PCLO: variants seen among roughly 807,000 people sequenced by gnomAD.
PCLO encodes protein piccolo.
Under a neutral mutation model 427.5 loss-of-function variants are expected in PCLO, and 82 were observed. The observed-to-expected ratio is 0.19, with a 90% CI of 0.16 to 0.23. The LOEUF (loss-of-function observed/expected upper bound fraction) is 0.23. Among genes scored for constraint, PCLO ranks in the 10% least tolerant of loss-of-function variants. The pLI is 1.00. For synonymous variants in PCLO, 2,357 were observed against 2,155.4 expected, an observed-to-expected ratio of 1.09 and a Z score of -2.59; for missense variants, 6,239 against 6,115.9, an observed-to-expected ratio of 1.02 and a Z score of -0.67.
intron 3 of PCLO, among the ~76,000 whole-genome samples, chr7:82,986,906 T>C (rs551589341): frequency 3.7e-4 from 56 of 152,054 alleles, no homozygotes; most frequent in Non-Finnish European, 6.3e-4. Flanking sequence ...TGACATTTCA[T>C]AGAGGCAAAT....
At chr7:83,120,965 T>G in intron 3 of PCLO, among the ~76,000 whole-genome samples, 1 of 152,170 alleles carries the variant, frequency 6.6e-6, no homozygotes, top group Non-Finnish European at 1.5e-5. Context: ...AATTGTGGTA[T>G]GTAAACTACT....
In PCLO at chr7:82,965,851, T is replaced by C; in HGVS notation, c.3937A>G (p.Thr1313Ala). Residue 1313 changes from threonine to alanine, a missense_variant, in exon 4 of 25, where the codon ACA becomes GCA. Transcript: ENST00000333891. ...GGCTGTTCTTTTATTGTTTTGGTTG[T>C]CTTATCATCTTCTTTAGGTAAACTC... ...PQSLPKEDDK[T>A]TKTIKEQPQP... 1 of 1,613,952 alleles carries C rather than the reference T, an allele frequency of 6.2e-7. No individual in the cohort carries two copies. The highest frequency in any genetic ancestry group is 8.5e-7 in the Non-Finnish European group (1 of 1,179,858).
chr7:82,988,896 G>A (rs1300511174), intron 3 of PCLO, among the ~76,000 whole-genome samples: 1 of 151,410 alleles, frequency 6.6e-6, no homozygotes, highest in African/African-American at 2.4e-5. Context: ...GTGCAGTGGC[G>A]CGATCTCGGC....
intron 3 of PCLO, among the ~76,000 whole-genome samples, chr7:83,053,819 A>G (rs1260319048): frequency 6.6e-6 from 1 of 151,980 alleles, no homozygotes; most frequent in Non-Finnish European, 1.5e-5. Flanking sequence ...CCATTTTAAG[A>G]TGATAATATT....
chr7:83,052,454 T>G (rs930847576), intron 3 of PCLO, among the ~76,000 whole-genome samples: 14 of 152,070 alleles, frequency 9.2e-5, no homozygotes, highest in Non-Finnish European at 2.1e-4. Context: ...TTAACTTCCA[T>G]AAGACTACAG....
intron 3 of PCLO, among the ~76,000 whole-genome samples, chr7:83,083,639 G>A (rs1380604137): frequency 2.0e-5 from 3 of 151,956 alleles, no homozygotes; most frequent in African/African-American, 7.2e-5. Context: ...CACATTTCAA[G>A]CAGATGGTAA....
chr7:82,989,219 A>G (rs999768281), intron 3 of PCLO, among the ~76,000 whole-genome samples: 1 of 152,130 alleles, frequency 6.6e-6, no homozygotes, highest in Non-Finnish European at 1.5e-5. Context: ...GAAAGGCAAT[A>G]GTTGTTTTTT....
intron 6 of PCLO, among the ~76,000 whole-genome samples, chr7:82,926,378 A>T (rs1013285490): frequency 1.3e-5 from 2 of 152,146 alleles, no homozygotes; most frequent in African/African-American, 4.8e-5. Flanking sequence ...ATAATTGAAA[A>T]ATTTTTTAAA....
In PCLO at chr7:82,952,809, T is replaced by C. The variant is rs759776490; in HGVS notation, c.8144A>G (p.Tyr2715Cys). Residue 2715 changes from tyrosine (Y) to cysteine (C), a missense_variant, in exon 5 of 25, where the codon TAT becomes TGT. Around this residue, in one of 5 missense-constraint regions of PCLO, gnomAD observed 4,677 missense variants for 4,468.4 expected, o/e 1.05. Transcript: ENST00000333891. ...LDNIHLEKPQYKEDGKLQLVG... is the reference protein window; with the variant it reads ...LDNIHLEKPQCKEDGKLQLVG... ...AAGTTGCAATTTTCCATCTTCTTTA[T>C]ACTGAGGCTTCTCTAAATGTATGTT... is the stretch of plus-strand genomic sequence containing the variant. The C allele has an allele frequency of 6.2e-7, 1 of 1,613,816 alleles. No individual in the cohort carries two copies.
intron 20 of PCLO, among the ~76,000 whole-genome samples, chr7:82,816,312 C>T (rs1271286600): frequency 6.6e-6 from 1 of 152,068 alleles, no homozygotes; most frequent in Non-Finnish European, 1.5e-5. Flanking sequence ...TGGCATTCCT[C>T]TACCACTCCT....
chr7:83,058,140 G>A (rs1583968349), intron 3 of PCLO, among the ~76,000 whole-genome samples: 1 of 152,120 alleles, frequency 6.6e-6, no homozygotes, highest in African/African-American at 2.4e-5. Context: ...ATAACTATAG[G>A]TAGAAGTTGT....
At position 82,899,624 on chromosome 7, in the gene PCLO, A is replaced by G. The variant is rs1584120244; in HGVS notation, c.13528+3027T>C. The stretch of plus-strand genomic sequence containing the variant: ...AAAAAGGGGCATTCAGAGAAAAGAT[A>G]TAGTACATTACTAGCAAATTTATTG... On this transcript the variant is annotated intron_variant, in intron 9 of 24. Coordinates refer to ENST00000333891, the MANE Select transcript of PCLO (RefSeq NM_033026.6). Among the ~76,000 whole-genome samples the G allele has an allele frequency of 2.6e-5, 4 of 151,516 alleles. No individual in the cohort carries two copies. In the South Asian group the frequency reaches 6.2e-4, roughly 24 times the overall value.
intron 10 of PCLO, among the ~76,000 whole-genome samples, chr7:82,856,612 G>A (rs1712249915): frequency 6.6e-6 from 1 of 152,124 alleles, no homozygotes; most frequent in South Asian, 2.1e-4. Flanking sequence ...TACATGGGGA[G>A]TTATCCAATA....
At chr7:83,059,371 TATATATATAAAA>T (rs1789485546) in intron 3 of PCLO, among the ~76,000 whole-genome samples, 1 of 120,300 alleles carries the variant, frequency 8.3e-6, no homozygotes, top group South Asian at 2.7e-4. Context: ...TATATATATA[TATATATATAAAA>T]ATGAAAAATA....
intron 22 of PCLO, among the ~76,000 whole-genome samples, chr7:82,786,712 G>T (rs928447849): frequency 2.0e-5 from 3 of 152,008 alleles, no homozygotes; most frequent in African/African-American, 4.8e-5. Flanking sequence ...TCTACATTAG[G>T]TATTTCTCCT....
intron 3 of PCLO, among the ~76,000 whole-genome samples, chr7:83,117,157 A>G (rs904862132): frequency 1.6e-4 from 25 of 152,202 alleles, no homozygotes; most frequent in African/African-American, 5.8e-4. Flanking sequence ...AATCACTACT[A>G]GCCCAAACCT....
At chr7:82,926,306 C>T (rs1794711374) in intron 6 of PCLO, among the ~76,000 whole-genome samples, 1 of 152,032 alleles carries the variant, frequency 6.6e-6, no homozygotes, top group Non-Finnish European at 1.5e-5. Context: ...AAATTATAGA[C>T]ATCTTTATTC....
chr7:82,985,808 C>T (rs922292245), intron 3 of PCLO, among the ~76,000 whole-genome samples: 13 of 151,808 alleles, frequency 8.6e-5, no homozygotes, highest in South Asian at 6.2e-4. Flanking sequence ...AGTATGTCCA[C>T]AACATGTAAT....
At chr7:82,856,718 T>C (rs2115882320) in intron 10 of PCLO, among the ~76,000 whole-genome samples, 1 of 152,336 alleles carries the variant, frequency 6.6e-6, no homozygotes, top group Non-Finnish European at 1.5e-5. Flanking sequence ...TTTGTTAGAA[T>C]GCTCAGAATG....
Sources: allele counts gnomAD v4.1 joint callset (sites outside exome capture counted in the v4.1 genomes callset), GRCh38; gene constraint gnomAD v4.1.1; regional missense constraint gnomAD v4.1.1; transcripts MANE v1.5; gene names NCBI Gene and HGNC (gene_info 2026-07-23, HGNC 2026-07-21).